The following FOXP2 variants were observed in gnomAD, a reference collection of about 807,000 sequenced individuals.
FOXP2 encodes the protein forkhead box protein P2.
A neutral mutation model predicts 115.8 loss-of-function variants in FOXP2; 12 were observed. The ratio of observed to expected loss-of-function variants is 0.10; its 90% CI spans 0.07 to 0.17. The LOEUF (loss-of-function observed/expected upper bound fraction) is 0.17, where lower values mean the gene tolerates loss of function less well. Among genes scored for constraint, FOXP2 ranks in the 10% least tolerant of loss-of-function variants. The probability of loss-of-function intolerance (pLI) is 1.00; values close to 1 mark genes in which losing one functional copy is unlikely to be tolerated. For synonymous variants in FOXP2, 328 were observed against 297.7 expected (o/e 1.10, Z -1.05); for missense variants, 629 against 843.5 (o/e 0.75, Z 3.15).
chr7:114,559,887 T>TAAAAA (rs375821980), intron 3 of FOXP2, among the ~76,000 whole-genome samples: 7 of 144,276 alleles, frequency 4.9e-5, no homozygotes, highest in Non-Finnish European at 7.5e-5. Context: ...AGATTCCATC[T>TAAAAA]TAAAAAAAAA....
intron 16 of FOXP2, among the ~76,000 whole-genome samples, chr7:114,681,840 T>A (rs1808097409): frequency 6.6e-6 from 1 of 152,198 alleles, no homozygotes; most frequent in Admixed American, 6.5e-5. Context: ...GGCACATATA[T>A]CTTTGTTTCA....
intron 3 of FOXP2, among the ~76,000 whole-genome samples, chr7:114,598,650 A>G (rs753388805): frequency 2.6e-5 from 4 of 152,172 alleles, no homozygotes; most frequent in Non-Finnish European, 5.9e-5. Context: ...CTAAGTGTAC[A>G]GTTCAATAGT....
At chr7:114,493,256 T>G (rs571795251) in intron 2 of FOXP2, among the ~76,000 whole-genome samples, 4 of 152,204 alleles carry the variant, frequency 2.6e-5, no homozygotes, top group Non-Finnish European at 5.9e-5. Context: ...GTTTTCCATT[T>G]GCTTGGTAGA....
intron 15 of FOXP2, 125 bp downstream of exon 15, chr7:114,663,644 G>T: frequency 1.3e-6 from 1 of 751,720 alleles, no homozygotes. Context: ...CCAAGTTGTA[G>T]TACCTAGTAC....
In FOXP2 at chr7:114,690,530, C is replaced by A. The variant is rs1372682985; in HGVS notation, c.*604C>A. The A allele has an allele frequency of 2.2e-6, 1 of 453,894 alleles. No individual in the cohort carries two copies. The highest frequency in any genetic ancestry group is 4.4e-6 in the Non-Finnish European group (1 of 226,786). The allele number at this position is 453,894 out of a possible 1,614,324, so 28.1% of individuals were successfully genotyped here. A position where few individuals can be genotyped will look rare whatever the true frequency, so the allele number is the denominator to read the frequency against. On this transcript the variant is annotated 3_prime_UTR_variant, in exon 17 of 17. Transcript: ENST00000350908. ...TGTAAATGACATAAGTTAGTTATTACAAAACACAGTAATTAGACTGTTGCA... is the reference window on the plus strand; with the variant it reads ...TGTAAATGACATAAGTTAGTTATTAAAAAACACAGTAATTAGACTGTTGCA...
chr7:114,422,554 G>A lies in FOXP2; in HGVS notation c.-10-3948G>A, dbSNP rs534908546. ...CATATATAGATACACATATTCATGT[G>A]CACACATATACACATGGGAATGTGG... On this transcript the variant is annotated intron_variant, in intron 1 of 16. Coordinates refer to ENST00000350908, the MANE Select transcript of FOXP2 (RefSeq NM_014491.4). Among the ~76,000 whole-genome samples the A allele has an allele frequency of 3.4e-4, 51 of 151,732 alleles. No individual in the cohort carries two copies. The East Asian group carries it at 6.0e-3, about 18-fold the overall frequency.
At chr7:114,437,944 A>G (rs913604685) in intron 2 of FOXP2, among the ~76,000 whole-genome samples, 1 of 152,234 alleles carries the variant, frequency 6.6e-6, no homozygotes, top group Non-Finnish European at 1.5e-5. Flanking sequence ...ACACTGGATT[A>G]TGAAGACTTA....
intron 1 of FOXP2, among the ~76,000 whole-genome samples, chr7:114,095,579 A>C (rs946941797): frequency 2.0e-5 from 3 of 152,126 alleles, no homozygotes; most frequent in Non-Finnish European, 4.4e-5. Context: ...GGTAGAGTGC[A>C]TGTGGAGTTG....
intron 2 of FOXP2, among the ~76,000 whole-genome samples, chr7:114,491,509 A>C (rs1797052738): frequency 6.6e-6 from 1 of 151,666 alleles, no homozygotes; most frequent in African/African-American, 2.4e-5. Flanking sequence ...TCTTTAGTTT[A>C]ATTAGATCCC....
intron 3 of FOXP2, among the ~76,000 whole-genome samples, chr7:114,608,814 T>C (rs1005603591): frequency 2.6e-5 from 4 of 152,172 alleles, no homozygotes; most frequent in Admixed American, 1.3e-4. Context: ...AATAACCCTG[T>C]ACCTGGATAA....
intron 1 of FOXP2, among the ~76,000 whole-genome samples, chr7:114,223,846 T>G (rs1182386618): frequency 6.6e-6 from 1 of 151,890 alleles, no homozygotes; most frequent in Admixed American, 6.6e-5. Flanking sequence ...TCAATTTTAA[T>G]TTAATTTATC....
At chr7:114,090,297 C>A (rs1799516739) in intron 1 of FOXP2, among the ~76,000 whole-genome samples, 1 of 151,798 alleles carries the variant, frequency 6.6e-6, no homozygotes, top group Non-Finnish European at 1.5e-5. Context: ...AATTTTATTA[C>A]AATTGCTGAA....
Position 114,495,483 on chromosome 7 carries a change from C to CTCTTTTTTTT in FOXP2, c.169-39133_169-39132insCTTTTTTTTT, listed in dbSNP as rs776653007. On this transcript the variant is annotated intron_variant, in intron 2 of 16. Coordinates refer to ENST00000350908, the MANE Select transcript of FOXP2 (RefSeq NM_014491.4). ...TTCTTTGTTTTTTCTTTCTCTCTCT[C>CTCTTTTTTTT]TTTTTTTTTTTTTTTTTTTTTTTTT... Among the ~76,000 whole-genome samples the CTCTTTTTTTT allele has an allele frequency of 1.4e-3, 85 of 61,464 alleles. 1 individual carries two copies. The highest frequency in any genetic ancestry group is 2.6e-3 in the East Asian group (4 of 1,566). 40.3% of individuals were successfully genotyped at this position (61,464 alleles called of 152,430 possible).
intron 1 of FOXP2, among the ~76,000 whole-genome samples, chr7:114,266,448 G>C (rs1255099004): frequency 1.3e-5 from 2 of 152,178 alleles, no homozygotes; most frequent in Non-Finnish European, 2.9e-5. Flanking sequence ...GCCTCAGGGA[G>C]CTTTTACTCA....
intron 3 of FOXP2, among the ~76,000 whole-genome samples, chr7:114,571,601 A>G (rs1801305883): frequency 4.6e-5 from 7 of 151,808 alleles, no homozygotes; most frequent in African/African-American, 9.7e-5. Flanking sequence ...ATAGTTGGGG[A>G]AAAAATGGAT....
intron 2 of FOXP2, among the ~76,000 whole-genome samples, chr7:114,488,310 A>G (rs1008957730): frequency 6.6e-6 from 1 of 152,160 alleles, no homozygotes; most frequent in Non-Finnish European, 1.5e-5. Context: ...GGATTATGGG[A>G]GCTACAATTC....
At chr7:114,374,951 G>C (rs1255512291) in intron 2 of FOXP2, among the ~76,000 whole-genome samples, 2 of 152,072 alleles carry the variant, frequency 1.3e-5, no homozygotes, top group Admixed American at 6.5e-5. Context: ...AATTGAAAAC[G>C]TGAAAAATGA....
At chr7:114,302,184 A>G (rs1436416247) in intron 2 of FOXP2, among the ~76,000 whole-genome samples, 1 of 152,130 alleles carries the variant, frequency 6.6e-6, no homozygotes, top group Non-Finnish European at 1.5e-5. Flanking sequence ...AACTAATTCA[A>G]ATGTTTTTTA....
upstream of FOXP2, among the ~76,000 whole-genome samples, chr7:114,087,194 C>A (rs557008163): frequency 2.0e-5 from 3 of 152,270 alleles, no homozygotes; most frequent in Middle Eastern, 3.4e-3. Flanking sequence ...TTGGGCACTT[C>A]AGCGTTCATC....
Sources: allele counts gnomAD v4.1 joint callset (sites outside exome capture counted in the v4.1 genomes callset), GRCh38; gene constraint gnomAD v4.1.1; transcripts MANE v1.5; gene names NCBI Gene and HGNC (gene_info 2026-07-23, HGNC 2026-07-21).